Variants in FRMD4A observed in about 807,000 individuals in gnomAD.
The protein encoded by FRMD4A is FERM domain-containing protein 4A.
A neutral mutation model predicts 129.1 loss-of-function variants in FRMD4A; 29 were observed. The observed-to-expected ratio is 0.22, with a 90% CI of 0.17 to 0.31. The LOEUF (loss-of-function observed/expected upper bound fraction) is 0.31, where lower values mean the gene tolerates loss of function less well. Among genes scored for constraint, FRMD4A ranks in the 10% least tolerant of loss-of-function variants. The pLI, the probability that FRMD4A is intolerant of heterozygous loss-of-function variation, is 1.00. For synonymous variants in FRMD4A, 634 were observed against 571.6 expected, an observed-to-expected ratio of 1.11 and a Z score of -1.56; for missense variants, 1,272 against 1,375.8, an observed-to-expected ratio of 0.92 and a Z score of 1.19.
At chr10:13,814,336 A>G (rs2093498835) in intron 3 of FRMD4A, among the ~76,000 whole-genome samples, 1 of 151,956 alleles carries the variant, frequency 6.6e-6, no homozygotes, top group Non-Finnish European at 1.5e-5. Flanking sequence ...CTTGCCTATA[A>G]TCCCAGCACT....
At chr10:13,994,013 C>CTTT (rs551387633) in intron 2 of FRMD4A, among the ~76,000 whole-genome samples, 34,511 of 134,228 alleles carry the variant, frequency 0.26, 5,161 homozygotes, top group East Asian at 0.59. Context: ...TGGGACAGTC[C>CTTT]TTTTTTTTTT....
chr10:13,783,150 T>C, intron 5 of FRMD4A, 144 bp from the exon 6 acceptor site: 1 of 612,598 alleles, frequency 1.6e-6, no homozygotes, highest in South Asian at 2.0e-5. Flanking sequence ...ATGGTTTTTC[T>C]ATGATTCCCT....
chr10:13,761,829 T>A (rs1024950724), intron 7 of FRMD4A, among the ~76,000 whole-genome samples, 160 bp from the exon 8 acceptor site: 1 of 152,234 alleles, frequency 6.6e-6, no homozygotes, highest in Non-Finnish European at 1.5e-5. Flanking sequence ...TAAAACTGAA[T>A]GCACACCTTT....
At chr10:14,170,206 C>A (rs1841403349) in intron 2 of FRMD4A, among the ~76,000 whole-genome samples, 5 of 152,144 alleles carry the variant, frequency 3.3e-5, no homozygotes, top group Admixed American at 3.3e-4. Context: ...ACCTCTGTAT[C>A]TAACGTGTTT....
At chr10:13,811,737 G>A (rs1245316351) in intron 3 of FRMD4A, among the ~76,000 whole-genome samples, 1 of 152,164 alleles carries the variant, frequency 6.6e-6, no homozygotes, top group African/African-American at 2.4e-5. Context: ...AGGAAAGGCT[G>A]TCTGATGCGG....
Position 14,050,919 on chromosome 10 carries a change from C to A in FRMD4A, c.46-192007G>T, listed in dbSNP as rs74650081. Reference sequence around the variant, plus strand: ...AAGCAAAGCCTTTCCCTGAGTTCTGCAAGTCATTCTAGCAAATGACTGAAA... The same window carrying A: ...AAGCAAAGCCTTTCCCTGAGTTCTGAAAGTCATTCTAGCAAATGACTGAAA... On this transcript the variant is annotated intron_variant, in intron 2 of 24. Transcript: ENST00000357447. 7.7e-3 allele frequency among the ~76,000 whole-genome samples: 1,170 copies of A among 152,304 alleles called. 61 individuals are homozygous for A. The East Asian group carries it at 0.13, about 17-fold the overall frequency.
rs965416779 is a variant in FRMD4A, at chr10:13,998,431, A to G, written c.46-139519T>C. Among the ~76,000 whole-genome samples, 10 of 152,216 alleles carry G rather than the reference A, an allele frequency of 6.6e-5. No homozygotes were observed. The East Asian group carries it at 1.9e-3, about 29-fold the overall frequency. On this transcript the variant is annotated intron_variant, in intron 2 of 24. Transcript: ENST00000357447. The stretch of plus-strand genomic sequence containing the variant: ...CTCCAGTGAACCCCTGATAATGTCC[A>G]CATCTTATCTCCAATACAGACCTCT...
chr10:14,160,975 C>T (rs1840855207), intron 2 of FRMD4A, among the ~76,000 whole-genome samples: 1 of 151,944 alleles, frequency 6.6e-6, no homozygotes, highest in South Asian at 2.1e-4. Flanking sequence ...TCTCTTGAGA[C>T]GGGAGTTTCA....
chr10:14,290,325 G>A (rs1439310729), intron 2 of FRMD4A, among the ~76,000 whole-genome samples: 1 of 151,996 alleles, frequency 6.6e-6, no homozygotes, highest in African/African-American at 2.4e-5. Flanking sequence ...TGATTTCAAA[G>A]TATAATACAA....
intron 2 of FRMD4A, among the ~76,000 whole-genome samples, chr10:13,863,586 T>A (rs2094322851): frequency 6.6e-6 from 1 of 151,990 alleles, no homozygotes; most frequent in South Asian, 2.1e-4. Flanking sequence ...TGTGACCCTG[T>A]CTCAAAAAAT....
intron 12 of FRMD4A, among the ~76,000 whole-genome samples, chr10:13,732,449 G>A (rs976215081): frequency 8.5e-5 from 13 of 152,164 alleles, no homozygotes; most frequent in Non-Finnish European, 1.6e-4. Context: ...GGCAGTGGAC[G>A]CCTCTGGGCT....
chr10:14,155,071 T>C (rs116501120), intron 2 of FRMD4A, among the ~76,000 whole-genome samples: 1,897 of 152,304 alleles, frequency 0.012, 31 homozygotes, highest in African/African-American at 0.043. Flanking sequence ...GCAAGAGGAC[T>C]GCAAGCCAGG....
chr10:14,201,203 A>G (rs919805262), intron 2 of FRMD4A, among the ~76,000 whole-genome samples: 9 of 152,180 alleles, frequency 5.9e-5, no homozygotes, highest in African/African-American at 1.9e-4. Flanking sequence ...CTCCGTTTTG[A>G]TAATTCCAGC....
At chr10:13,782,475 C>T (rs1392695635) in intron 6 of FRMD4A, among the ~76,000 whole-genome samples, 1 of 150,388 alleles carries the variant, frequency 6.6e-6, no homozygotes, top group Non-Finnish European at 1.5e-5. Flanking sequence ...GATGGAGTCT[C>T]CGCCTGTCAC....
chr10:14,123,565 C>A (rs1045864130), intron 2 of FRMD4A, among the ~76,000 whole-genome samples: 1 of 152,208 alleles, frequency 6.6e-6, no homozygotes, highest in African/African-American at 2.4e-5. Context: ...GGCAGTCCCC[C>A]ATCTTTGTTT....
chr10:14,249,383 T>C (rs1197450662), intron 2 of FRMD4A, among the ~76,000 whole-genome samples: 7 of 151,524 alleles, frequency 4.6e-5, no homozygotes, highest in African/African-American at 1.7e-4. Flanking sequence ...CAAATAGATA[T>C]TGAAATAACT....
chr10:13,995,362 T>A lies in FRMD4A; in HGVS notation c.46-136450A>T, dbSNP rs116429118. ...ACTTTGGGAGGCCTAGGCAGGTGGA[T>A]TGCTTGAGGCCAAGAGTTTTGAGAC... On this transcript the variant is annotated intron_variant, in intron 2 of 24. Coordinates refer to ENST00000357447, the MANE Select transcript of FRMD4A (RefSeq NM_018027.5). Among the ~76,000 whole-genome samples, 1,333 of 152,280 alleles carry A rather than the reference T, an allele frequency of 8.8e-3. 12 individuals are homozygous for A. Among genetic ancestry groups the A allele is most frequent in the Admixed American group, 0.016 (247 of 15,300 alleles).
chr10:14,131,395 T>TGCCCC (rs1554767019), intron 2 of FRMD4A, among the ~76,000 whole-genome samples: 1 of 125,708 alleles, frequency 8.0e-6, no homozygotes, highest in African/African-American at 3.1e-5. Flanking sequence ...CAACTCACTG[T>TGCCCC]GCCCCCCCCG....
intron 2 of FRMD4A, among the ~76,000 whole-genome samples, chr10:14,230,879 T>A (rs1843616607): frequency 6.6e-6 from 1 of 152,164 alleles, no homozygotes; most frequent in Non-Finnish European, 1.5e-5. Flanking sequence ...TGAGAACATG[T>A]GGTATTTGAT....
Sources: gnomAD v4.1 joint callset for allele counts (sites outside exome capture counted in the v4.1 genomes callset) on GRCh38, gnomAD v4.1.1 for gene constraint, MANE v1.5 for transcripts, NCBI Gene and HGNC (gene_info 2026-07-23, HGNC 2026-07-21) for gene names.